Variants in ABCB1 observed in about 807,000 individuals in gnomAD.
ABCB1 encodes the protein ATP binding cassette subfamily B member 1, also known as ATP-dependent translocase ABCB1.
ABCB1 carries 69 observed loss-of-function variants against 142.0 expected under a neutral mutation model. That is an observed-to-expected ratio of 0.49 (90% CI 0.40 to 0.59). The LOEUF (loss-of-function observed/expected upper bound fraction) is 0.59, where lower values mean the gene tolerates loss of function less well. Among genes scored for constraint, ABCB1 ranks in the 20% least tolerant of loss-of-function variants. The probability of loss-of-function intolerance (pLI) is 0.00; values close to 1 mark genes in which losing one functional copy is unlikely to be tolerated. For missense variants in ABCB1, 1,326 were observed against 1,554.7 expected (o/e 0.85, Z 2.47); for synonymous variants, 532 against 539.2 (o/e 0.99, Z 0.18).
intron 21 of ABCB1, chr7:87,521,990 GT>G: frequency 1.2e-6 from 1 of 850,038 alleles, no homozygotes; most frequent in Non-Finnish European, 2.0e-6. Flanking sequence ...CACTTGTGAA[GT>G]TAGGAAAGCC....
rs200177995 is a variant in ABCB1 at position 87,585,571 on chromosome 7, G to A, written c.227C>T (p.Thr76Ile). The A allele has an allele frequency of 1.2e-6, 2 of 1,613,944 alleles. No individual in the cohort carries two copies. The highest frequency in any genetic ancestry group is 2.7e-5 in the African/African-American group (2 of 75,034). The part of the protein sequence containing the change: ...PLMMLVFGEM[T>I]DIFANAGNLE... ...ATTTCCTGCATTTGCAAAGATATCT[G>A]TCATTTCTCCAAACACCAGCATCAT... Residue 76 changes from threonine (T) to isoleucine (I), a missense_variant, in exon 4 of 28, where the codon ACA (threonine) becomes ATA (isoleucine). Coordinates refer to ENST00000622132, the MANE Select transcript of ABCB1 (RefSeq NM_001348946.2).
Position 87,504,247 on chromosome 7 carries a change from T to C in ABCB1, c.3839A>G (p.Gln1280Arg), listed in dbSNP as rs202194143. ...MVSVQAGTKR[Q>R] ...AACATCTCATACAGTCAGAGTTCAC[T>C]GGCGCTTTGTTCCAGCCTGGACACT... The change falls in exon 28 of 28, where the codon CAG becomes CGG. Residue 1280 changes from glutamine to arginine, a missense_variant. Physicochemically the swap from Gln to Arg is conservative, Grantham distance 43. Transcript: ENST00000622132. 6.2e-7 allele frequency: 1 copy of C among 1,614,036 alleles called. No individual in the cohort carries two copies. Among genetic ancestry groups the C allele is most frequent in the African/African-American group, 1.3e-5 (1 of 74,954 alleles).
At chr7:87,710,807 G>A in intron 1 of ABCB1, 1 of 505,360 alleles carries the variant, frequency 2.0e-6, no homozygotes, top group Non-Finnish European at 3.5e-6. Flanking sequence ...TGTCTTCTTA[G>A]GAAAATGTAA....
chr7:87,520,208 T>C (rs1210800164), intron 22 of ABCB1, among the ~76,000 whole-genome samples: 4 of 150,202 alleles, frequency 2.7e-5, no homozygotes, highest in Middle Eastern at 3.5e-3. Flanking sequence ...ACAAAAAGGC[T>C]CTACCATCAT....
At chr7:87,652,674 T>C (rs997988540) in intron 1 of ABCB1, among the ~76,000 whole-genome samples, 1 of 144,808 alleles carries the variant, frequency 6.9e-6, no homozygotes, top group African/African-American at 2.7e-5. Flanking sequence ...ATCTGTAACT[T>C]TTGAGATGAG....
In ABCB1 at chr7:87,619,250, G is replaced by A. The variant is rs564622932; in HGVS notation, c.-330-18172C>T. ...TTATATAAACCACAATGAATGAAAT[G>A]TAAGCTTGGCTGGGCACAGTGGCTC... On this transcript the variant is annotated intron_variant, in intron 1 of 28. Coordinates refer to the ABCB1 transcript ENST00000265724. Among the ~76,000 whole-genome samples, 4 of 152,234 alleles carry A rather than the reference G, an allele frequency of 2.6e-5. No homozygotes were observed. The East Asian group carries it at 7.7e-4, about 29-fold the overall frequency.
chr7:87,507,583 T>C (rs777360779), intron 26 of ABCB1, among the ~76,000 whole-genome samples: 1 of 152,140 alleles, frequency 6.6e-6, no homozygotes, highest in African/African-American at 2.4e-5. Context: ...GCCACCTCCC[T>C]GGGACTTAAT....
At chr7:87,540,288 C>A (rs1005730323) in intron 18 of ABCB1, among the ~76,000 whole-genome samples, 28 of 152,192 alleles carry the variant, frequency 1.8e-4, no homozygotes, top group African/African-American at 6.0e-4. Context: ...TTTTAATCAT[C>A]AAGAGGCAGG....
chr7:87,652,621 GATAT>G (rs373344881), intron 1 of ABCB1, among the ~76,000 whole-genome samples: 29 of 125,358 alleles, frequency 2.3e-4, no homozygotes, highest in Admixed American at 3.2e-4. Flanking sequence ...TGTGGTCACT[GATAT>G]ATATATATAT....
chr7:87,563,267 T>C (rs1270365150), intron 7 of ABCB1: 2 of 346,450 alleles, frequency 5.8e-6, no homozygotes, highest in East Asian at 1.7e-4. Flanking sequence ...CTACTGAAAA[T>C]GTTCCAAAAA....
intron 21 of ABCB1, chr7:87,522,433 A>AATTAAATT: frequency 4.8e-6 from 3 of 624,452 alleles, no homozygotes; most frequent in Admixed American, 3.8e-5. Context: ...CCAGGAAACA[A>AATTAAATT]ATCTTAGCAG....
chr7:87,695,607 T>C (rs965343115), intron 1 of ABCB1, among the ~76,000 whole-genome samples: 1 of 152,120 alleles, frequency 6.6e-6, no homozygotes, highest in Non-Finnish European at 1.5e-5. Context: ...ATATTTTAAC[T>C]AACAGAACTT....
At chr7:87,691,514 C>T (rs1286014978) in intron 1 of ABCB1, among the ~76,000 whole-genome samples, 1 of 152,068 alleles carries the variant, frequency 6.6e-6, no homozygotes, top group Non-Finnish European at 1.5e-5. Flanking sequence ...GTTTCACTTT[C>T]TTTTAACATT....
In ABCB1 at chr7:87,561,273, C is replaced by A. The variant is rs1222604496; in HGVS notation, c.817G>T (p.Glu273Ter). 1 of 1,613,800 alleles carries A rather than the reference C, an allele frequency of 6.2e-7. No individual in the cohort carries two copies. Among genetic ancestry groups the A allele is most frequent in the Admixed American group, 1.7e-5 (1 of 59,956 alleles). The stretch of plus-strand genomic sequence containing the variant: ...AAAAGAAACTCAAACCTTTCAAGTT[C>A]TTTCTTTTGTCCTCCAAATGCAATC... ...TVIAFGGQKK[E>*]LERYNKNLEE... The change falls in exon 8 of 28, where the codon GAA (glutamate) becomes TAA (stop). Residue 273 changes from glutamate to a stop codon, truncating the protein, a stop_gained. Coordinates refer to ENST00000622132, the MANE Select transcript of ABCB1 (RefSeq NM_001348946.2). LOFTEE classifies it high-confidence loss of function.
At chr7:87,708,851 C>T (rs1029323046) in intron 1 of ABCB1, among the ~76,000 whole-genome samples, 3 of 152,128 alleles carry the variant, frequency 2.0e-5, no homozygotes, top group Non-Finnish European at 4.4e-5. Flanking sequence ...GATTACTTAT[C>T]TTCTTAATGT....
At chr7:87,695,718 T>C (rs1828440849) in intron 1 of ABCB1, among the ~76,000 whole-genome samples, 1 of 152,116 alleles carries the variant, frequency 6.6e-6, no homozygotes, top group African/African-American at 2.4e-5. Flanking sequence ...ATATTTTTCT[T>C]GTATTATGAA....
chr7:87,612,051 G>A (rs752313360), intron 1 of ABCB1, among the ~76,000 whole-genome samples: 1 of 152,106 alleles, frequency 6.6e-6, no homozygotes, highest in Non-Finnish European at 1.5e-5. Flanking sequence ...CTTGGCACAG[G>A]TAGTATTATG....
At chr7:87,613,136 T>G (rs1819914461) in intron 1 of ABCB1, among the ~76,000 whole-genome samples, 1 of 151,732 alleles carries the variant, frequency 6.6e-6, no homozygotes, top group Non-Finnish European at 1.5e-5. Flanking sequence ...GAGACTTTAC[T>G]AAACTTATTT....
chr7:87,596,601 C>G (rs1171075183), intron 2 of ABCB1, among the ~76,000 whole-genome samples: 1 of 151,806 alleles, frequency 6.6e-6, no homozygotes, highest in African/African-American at 2.4e-5. Context: ...TCTGCCTCAT[C>G]TGTATTTTTG....
Sources: gnomAD v4.1 joint callset for allele counts (sites outside exome capture counted in the v4.1 genomes callset) on GRCh38, gnomAD v4.1.1 for gene constraint, MANE v1.5 for transcripts, NCBI Gene and HGNC (gene_info 2026-07-23, HGNC 2026-07-21) for gene names.